NFATC2: variants seen among roughly 807,000 people sequenced by gnomAD.
NFATC2 encodes nuclear factor of activated T cells 2, also known as nuclear factor of activated T-cells, cytoplasmic 2.
NFATC2 carries 22 observed loss-of-function variants against 87.3 expected under a neutral mutation model. The observed-to-expected ratio is 0.25, with a 90% CI of 0.18 to 0.36. The LOEUF (loss-of-function observed/expected upper bound fraction) is 0.36, where lower values mean the gene tolerates loss of function less well. Among genes scored for constraint, NFATC2 ranks in the 10% least tolerant of loss-of-function variants. NFATC2 has a pLI of 1.00. For synonymous variants in NFATC2, 565 were observed against 542.2 expected, an observed-to-expected ratio of 1.04 and a Z score of -0.58; for missense variants, 1,149 against 1,259.1, an observed-to-expected ratio of 0.91 and a Z score of 1.32.
chr20:51,448,797 CA>C (rs987712489), intron 6 of NFATC2, among the ~76,000 whole-genome samples: 2 of 152,018 alleles, frequency 1.3e-5, no homozygotes, highest in African/African-American at 4.8e-5. Context: ...GGGAGAGAGT[CA>C]AAAAAGCTGA....
At chr20:51,542,754 G>GAT (rs1555819134), upstream of NFATC2, 68 of 476,960 alleles carry the variant, frequency 1.4e-4, 5 homozygotes, top group Non-Finnish European at 1.7e-4. Context: ...GGAGGCGGGG[G>GAT]GGGGGGGGGC....
At chr20:51,542,748 GC>G, upstream of NFATC2, 1 of 679,192 alleles carries the variant, frequency 1.5e-6, no homozygotes, top group Non-Finnish European at 1.7e-6. Flanking sequence ...GCCCGGGGAG[GC>G]GGGGGGGGGG....
intron 1 of NFATC2, among the ~76,000 whole-genome samples, chr20:51,540,050 T>C (rs896363798): frequency 1.3e-5 from 2 of 152,194 alleles, no homozygotes; most frequent in Non-Finnish European, 2.9e-5. Context: ...GTCTCACTCT[T>C]GTCACCCAGG....
At chr20:51,424,791 T>C (rs960377035) in intron 9 of NFATC2, among the ~76,000 whole-genome samples, 28 of 152,172 alleles carry the variant, frequency 1.8e-4, no homozygotes, top group African/African-American at 6.5e-4. Context: ...TTTACCACCT[T>C]TTGTAGAAAA....
At chr20:51,471,840 AT>A (rs1489368270) in intron 5 of NFATC2, among the ~76,000 whole-genome samples, 1 of 152,074 alleles carries the variant, frequency 6.6e-6, no homozygotes, top group Non-Finnish European at 1.5e-5. Flanking sequence ...AAATCGGGAT[AT>A]TTTTTGGTTT....
In NFATC2 at chr20:51,523,932, T is replaced by C; in HGVS notation, c.309A>G (p.Pro103=). 6.3e-7 allele frequency: 1 copy of C among 1,599,824 alleles called. No homozygotes were observed. Among genetic ancestry groups the C allele is most frequent in the East Asian group, 2.2e-5 (1 of 44,782 alleles). ...GAGGGCTCAGGCCCGAGGCCCCTGC[T>C]GGCTTGGCCGCGCTCAGAAACTTCT... ...GPQKFLSAAK[P]AGASGLSPRI... Residue 103 remains proline (P), a synonymous_variant, in exon 2 of 11, where the codon CCA becomes CCG. Coordinates refer to ENST00000371564, the MANE Select transcript of NFATC2 (RefSeq NM_012340.5). This position sits in a 1 kb window ranked among gnomAD's most constrained non-coding sequence, Gnocchi z 6.9.
chr20:51,549,490 C>T (rs775239736), intron 1 of NFATC2, among the ~76,000 whole-genome samples: 2 of 152,242 alleles, frequency 1.3e-5, no homozygotes, highest in Non-Finnish European at 2.9e-5. Context: ...TCCACCCCTT[C>T]CAGGCTGACT....
chr20:51,420,486 C>A (rs921521819), intron 9 of NFATC2, among the ~76,000 whole-genome samples: 14 of 152,086 alleles, frequency 9.2e-5, no homozygotes, highest in African/African-American at 3.4e-4. Flanking sequence ...CTGGCAAAAG[C>A]CAGACTGAAA....
intron 1 of NFATC2, among the ~76,000 whole-genome samples, chr20:51,540,002 T>C (rs1221957337): frequency 1.3e-5 from 2 of 152,064 alleles, no homozygotes; most frequent in African/African-American, 4.8e-5. Context: ...ATAAATGACA[T>C]GGATAGTATA....
intron 5 of NFATC2, among the ~76,000 whole-genome samples, chr20:51,470,063 G>A (rs761625389): frequency 1.9e-4 from 29 of 152,206 alleles, no homozygotes; most frequent in Non-Finnish European, 4.0e-4. Flanking sequence ...CAGGAGGAGA[G>A]GGGAACTGCT....
intron 5 of NFATC2, among the ~76,000 whole-genome samples, chr20:51,459,310 A>G (rs1986890493): frequency 6.6e-6 from 1 of 152,204 alleles, no homozygotes; most frequent in South Asian, 2.1e-4. Flanking sequence ...ACAAAAGGAC[A>G]AATGGCATAG....
At chr20:51,469,247 G>A (rs1191641714) in intron 5 of NFATC2, among the ~76,000 whole-genome samples, 2 of 152,142 alleles carry the variant, frequency 1.3e-5, no homozygotes, top group African/African-American at 4.8e-5. Flanking sequence ...CAACTCCTGA[G>A]CTCAAGCGAT....
chr20:51,555,853 C>A (rs1377621355), intron 1 of NFATC2, among the ~76,000 whole-genome samples: 1 of 152,156 alleles, frequency 6.6e-6, no homozygotes, highest in Non-Finnish European at 1.5e-5. Flanking sequence ...GCTATCCAGC[C>A]CGAATGAGGA....
intron 10 of NFATC2, 137 bp from the exon 11 acceptor site, chr20:51,391,588 G>A (rs1986354233): frequency 6.5e-6 from 6 of 922,034 alleles, no homozygotes; most frequent in Non-Finnish European, 1.0e-5. Context: ...TGTCACCCAG[G>A]CTGGAGTGCA....
chr20:51,527,148 A>G (rs2076558068), intron 1 of NFATC2, among the ~76,000 whole-genome samples: 1 of 147,154 alleles, frequency 6.8e-6, no homozygotes, highest in South Asian at 2.2e-4. Context: ...TGATCCTCCC[A>G]CCTCAGCCTC....
At chr20:51,550,738 A>C (rs1486960761) in intron 1 of NFATC2, among the ~76,000 whole-genome samples, 1 of 152,218 alleles carries the variant, frequency 6.6e-6, no homozygotes, top group Non-Finnish European at 1.5e-5. Context: ...AAAATAACCC[A>C]ACACAAAGAC....
chr20:51,432,733 T>C lies in NFATC2; in HGVS notation c.2056A>G (p.Thr686Ala). 1 of 1,583,828 alleles carries C rather than the reference T, an allele frequency of 6.3e-7. No homozygotes were observed. The highest frequency in any genetic ancestry group is 8.5e-7 in the Non-Finnish European group (1 of 1,172,962). Residue 686 changes from threonine to alanine, a missense_variant, in exon 9 of 11, where the codon ACG becomes GCG. Coordinates refer to ENST00000371564, the MANE Select transcript of NFATC2 (RefSeq NM_012340.5). This position sits in a 1 kb window ranked among gnomAD's most constrained non-coding sequence, Gnocchi z 4.6. Reference sequence around the variant, plus strand: ...ATCAGAGTGGGGTCATATTCATCCGTGGGCTCCGTCTTGATGGCTGGGACT... The same window carrying C: ...ATCAGAGTGGGGTCATATTCATCCGCGGGCTCCGTCTTGATGGCTGGGACT... ...HPVPAIKTEP[T>A]DEYDPTLICS... is the part of the protein sequence containing the mutation.
chr20:51,492,319 C>A (rs1480945683), intron 3 of NFATC2, among the ~76,000 whole-genome samples: 2 of 151,968 alleles, frequency 1.3e-5, no homozygotes, highest in African/African-American at 2.4e-5. Context: ...TGGGCAGCCC[C>A]CCAGCTTCTA....
rs928097676 is a variant in NFATC2 at position 51,388,456 on chromosome 20, G to A, written c.*3040C>T. ...TGGGGGTTTTATTATATGGGTTTTTGTTTCCTGGAATGAGTAACAAATGTT... is the reference window on the plus strand; with the variant it reads ...TGGGGGTTTTATTATATGGGTTTTTATTTCCTGGAATGAGTAACAAATGTT... On this transcript the variant is annotated 3_prime_UTR_variant, in exon 11 of 11. Transcript: ENST00000371564. 2.6e-5 allele frequency: 4 copies of A among 151,496 alleles called. No individual in the cohort carries two copies. The highest frequency in any genetic ancestry group is 9.7e-5 in the African/African-American group (4 of 41,130). The allele number at this position is 151,496 out of a possible 1,614,324, so 9.4% of individuals were successfully genotyped here.
Sources: gnomAD v4.1 joint callset for allele counts (sites outside exome capture counted in the v4.1 genomes callset) on GRCh38, gnomAD v4.1.1 for gene constraint, Gnocchi (gnomAD v3.1) non-coding constraint, MANE v1.5 for transcripts, NCBI Gene and HGNC (gene_info 2026-07-23, HGNC 2026-07-21) for gene names.